The following PACRG variants were observed in gnomAD, a reference collection of about 807,000 sequenced individuals.
PACRG encodes the protein parkin coregulated, also known as parkin coregulated gene protein.
A neutral mutation model predicts 29.7 loss-of-function variants in PACRG; 29 were observed. The ratio of observed to expected loss-of-function variants is 0.98; its 90% CI spans 0.73 to 1.33. The LOEUF (loss-of-function observed/expected upper bound fraction) is 1.33, where lower values mean the gene tolerates loss of function less well. Among genes scored for constraint, PACRG ranks in the 40% most tolerant of loss-of-function variants. The probability of loss-of-function intolerance (pLI) is 0.00; values close to 1 mark genes in which losing one functional copy is unlikely to be tolerated. For synonymous variants in PACRG, 116 were observed against 118.7 expected, an observed-to-expected ratio of 0.98 and a Z score of 0.15; for missense variants, 279 against 316.2, an observed-to-expected ratio of 0.88 and a Z score of 0.89.
intron 4 of PACRG, among the ~76,000 whole-genome samples, chr6:163,213,934 A>G (rs1036839978): frequency 2.0e-5 from 3 of 152,226 alleles, no homozygotes; most frequent in African/African-American, 7.2e-5. Flanking sequence ...CCCCAACACC[A>G]TATAAAAAGT....
At chr6:162,933,768 A>T (rs1295506914) in intron 2 of PACRG, among the ~76,000 whole-genome samples, 1 of 152,022 alleles carries the variant, frequency 6.6e-6, no homozygotes, top group Non-Finnish European at 1.5e-5. Flanking sequence ...TTTTGGGGAA[A>T]AAAAAGGTTC....
intron 4 of PACRG, among the ~76,000 whole-genome samples, chr6:163,286,723 G>T (rs1784412797): frequency 6.6e-6 from 1 of 152,108 alleles, no homozygotes; most frequent in Admixed American, 6.5e-5. Context: ...GTCCCTTCCT[G>T]CTCCCCAAAA....
intron 2 of PACRG, among the ~76,000 whole-genome samples, chr6:162,847,842 T>G (rs533556767): frequency 8.3e-4 from 126 of 152,168 alleles, no homozygotes; most frequent in African/African-American, 2.7e-3. Context: ...ATCAAGTATT[T>G]TATATACATG....
At chr6:163,215,986 C>T (rs1012804532) in intron 4 of PACRG, among the ~76,000 whole-genome samples, 4 of 152,146 alleles carry the variant, frequency 2.6e-5, no homozygotes, top group Non-Finnish European at 2.9e-5. Context: ...GGTCAGGAAC[C>T]GCAGCAGTAA....
intron 4 of PACRG, among the ~76,000 whole-genome samples, chr6:163,307,010 A>G (rs1385555568): frequency 2.0e-5 from 3 of 152,242 alleles, no homozygotes; most frequent in Non-Finnish European, 4.4e-5. Context: ...ATTGAAAATT[A>G]TATCTCAGGC....
intron 2 of PACRG, among the ~76,000 whole-genome samples, chr6:162,841,492 C>A (rs563447534): frequency 1.3e-3 from 204 of 151,866 alleles, no homozygotes; most frequent in African/African-American, 4.5e-3. Context: ...CTCTTTTTTT[C>A]TTTATTAGTC....
At chr6:163,292,979 TAC>T (rs1304293087) in intron 4 of PACRG, among the ~76,000 whole-genome samples, 5 of 152,178 alleles carry the variant, frequency 3.3e-5, no homozygotes, top group Non-Finnish European at 7.3e-5. Flanking sequence ...TAGAAATAGA[TAC>T]AGATTGATCC....
chr6:163,289,328 C>T (rs1012172338), intron 4 of PACRG, among the ~76,000 whole-genome samples: 1 of 152,152 alleles, frequency 6.6e-6, no homozygotes, highest in Admixed American at 6.5e-5. Context: ...ATGGCTTTCA[C>T]GATGCGGTTC....
intron 1 of PACRG, among the ~76,000 whole-genome samples, chr6:162,782,814 A>C (rs547827203): frequency 6.6e-6 from 1 of 152,042 alleles, no homozygotes; most frequent in Non-Finnish European, 1.5e-5. Flanking sequence ...TTATGGAAGC[A>C]AAGTTTTAGG....
chr6:162,872,101 A>G (rs1792872407), intron 2 of PACRG, among the ~76,000 whole-genome samples: 2 of 152,190 alleles, frequency 1.3e-5, no homozygotes, highest in South Asian at 4.1e-4. Context: ...TCCATCTTAT[A>G]GATAAGGAGG....
At chr6:162,936,118 C>T (rs1174969494) in intron 2 of PACRG, among the ~76,000 whole-genome samples, 1 of 152,142 alleles carries the variant, frequency 6.6e-6, no homozygotes, top group Non-Finnish European at 1.5e-5. Flanking sequence ...GAATGAGAGT[C>T]AAGCTAAAGG....
intron 1 of PACRG, among the ~76,000 whole-genome samples, chr6:162,737,003 A>G (rs1307549550): frequency 6.6e-6 from 1 of 152,172 alleles, no homozygotes; most frequent in Non-Finnish European, 1.5e-5. Flanking sequence ...GTATCTTTCT[A>G]TAAAAAGTTT....
intron 1 of PACRG, among the ~76,000 whole-genome samples, chr6:162,769,457 G>GT (rs1783045441): frequency 6.6e-6 from 1 of 152,020 alleles, no homozygotes. Context: ...AAGCTCATAC[G>GT]TGTTGTAGCA....
chr6:163,258,496 G>A (rs1210236853), intron 4 of PACRG, among the ~76,000 whole-genome samples: 3 of 152,056 alleles, frequency 2.0e-5, no homozygotes, highest in East Asian at 1.9e-4. Context: ...AGTGGCTCAC[G>A]CCTATAATCC....
intron 2 of PACRG, among the ~76,000 whole-genome samples, chr6:163,034,407 A>ACTTTAATGAGAGGGG (rs1807965520): frequency 6.6e-6 from 1 of 152,130 alleles, no homozygotes; most frequent in Non-Finnish European, 1.5e-5. Context: ...AATGAGAGGG[A>ACTTTAATGAGAGGGG]CTTTACCAAG....
At chr6:163,171,884 C>T (rs1000717479) in intron 4 of PACRG, among the ~76,000 whole-genome samples, 26 of 152,168 alleles carry the variant, frequency 1.7e-4, no homozygotes, top group African/African-American at 4.6e-4. Flanking sequence ...CAGCTTTCCC[C>T]TGTGAGAGCA....
chr6:163,082,180 G>A (rs1302591475), intron 3 of PACRG, among the ~76,000 whole-genome samples: 1 of 152,104 alleles, frequency 6.6e-6, no homozygotes, highest in Non-Finnish European at 1.5e-5. Flanking sequence ...GAATTTCTGT[G>A]AGTATATCTA....
intron 2 of PACRG, among the ~76,000 whole-genome samples, chr6:162,921,687 C>T (rs539644815): frequency 6.6e-6 from 1 of 152,160 alleles, no homozygotes; most frequent in African/African-American, 2.4e-5. Flanking sequence ...ATTGTATACA[C>T]TTATTGGATA....
intron 4 of PACRG, among the ~76,000 whole-genome samples, chr6:163,224,732 A>G (rs1233248049): frequency 6.6e-6 from 1 of 152,222 alleles, no homozygotes; most frequent in Non-Finnish European, 1.5e-5. Context: ...TAAAACTGCT[A>G]GAAGAAAACA....
Sources: gnomAD v4.1 joint callset for allele counts (sites outside exome capture counted in the v4.1 genomes callset) on GRCh38, gnomAD v4.1.1 for gene constraint, MANE v1.5 for transcripts, NCBI Gene and HGNC (gene_info 2026-07-23, HGNC 2026-07-21) for gene names.